Variants in PGGT1B observed in about 807,000 individuals in gnomAD.
PGGT1B encodes the protein geranylgeranyl transferase type-1 subunit beta.
Under a neutral mutation model 46.1 loss-of-function variants are expected in PGGT1B, and 30 were observed. The ratio of observed to expected loss-of-function variants is 0.65; its 90% CI spans 0.49 to 0.88. The LOEUF (loss-of-function observed/expected upper bound fraction) is 0.88. PGGT1B is among the 40% of genes least tolerant of loss of function. The probability of loss-of-function intolerance (pLI) is 0.00; values close to 1 mark genes in which losing one functional copy is unlikely to be tolerated. For missense variants in PGGT1B, 376 were observed against 455.9 expected (o/e 0.82, Z 1.60); for synonymous variants, 170 against 160.0 (o/e 1.06, Z -0.47).
In PGGT1B at chr5:115,235,267, ATAAG is replaced by A. The variant is rs373880226; in HGVS notation, c.612+1119_612+1122del. On this transcript the variant is annotated intron_variant, in intron 5 of 8. Transcript: ENST00000419445. ...GAAACTGAAGTCCATAGAGATATAA[ATAAG>A]TAAGTATAAGTAAATAAATAAATGC... is the stretch of plus-strand genomic sequence containing the variant. Among the ~76,000 whole-genome samples, 439 of 152,240 alleles carry A rather than the reference ATAAG, an allele frequency of 2.9e-3. 1 individual carries two copies. The highest frequency in any genetic ancestry group is 9.7e-3 in the African/African-American group (404 of 41,572).
Position 115,236,469 on chromosome 5 carries a change from G to A in PGGT1B, c.533C>T (p.Ala178Val). Reference sequence around the variant, plus strand: ...GTTGAGCATATAGCAAATACAGGAAGCACAGTACACAAATCGCATGTCATT... The same window carrying A: ...GTTGAGCATATAGCAAATACAGGAAACACAGTACACAAATCGCATGTCATT... ...SENDMRFVYC[A>V]SCICYMLNNW... The change falls in exon 5 of 9, where the codon GCT becomes GTT. Residue 178 changes from alanine (A) to valine (V), a missense_variant. Physicochemically the swap from Ala to Val is moderately conservative, Grantham distance 64. Around this residue, in one of 2 missense-constraint regions of PGGT1B, gnomAD observed 222 missense variants for 313.6 expected, o/e 0.71. Coordinates refer to ENST00000419445, the MANE Select transcript of PGGT1B (RefSeq NM_005023.4). The A allele has an allele frequency of 6.3e-7, 1 of 1,583,778 alleles. No individual in the cohort carries two copies. The highest frequency in any genetic ancestry group is 8.6e-7 in the Non-Finnish European group (1 of 1,167,402).
chr5:115,254,205 T>G (rs772357090), intron 1 of PGGT1B, among the ~76,000 whole-genome samples: 4 of 152,016 alleles, frequency 2.6e-5, no homozygotes, highest in Non-Finnish European at 5.9e-5. Flanking sequence ...CTCCTGTGCA[T>G]CTAGAGTACT....
rs1168827973 is a variant in PGGT1B at position 115,211,687 on chromosome 5, A to T, written c.*715T>A. On this transcript the variant is annotated 3_prime_UTR_variant, in exon 9 of 9. Coordinates refer to ENST00000419445, the MANE Select transcript of PGGT1B (RefSeq NM_005023.4). The stretch of plus-strand genomic sequence containing the variant: ...ATTCACCACAGCAATGTCTAGATAA[A>T]TGACCCACATAGCACAAAACTTTCT... 6.6e-6 allele frequency: 1 copy of T among 151,746 alleles called. No homozygotes were observed. The highest frequency in any genetic ancestry group is 2.4e-5 in the African/African-American group (1 of 41,354). 9.4% of individuals were successfully genotyped at this position (151,746 alleles called of 1,614,324 possible). A position where few individuals can be genotyped will look rare whatever the true frequency, so the allele number is the denominator to read the frequency against.
At chr5:115,255,943 G>A (rs537592582) in intron 1 of PGGT1B, among the ~76,000 whole-genome samples, 3 of 152,174 alleles carry the variant, frequency 2.0e-5, no homozygotes, top group Non-Finnish European at 4.4e-5. Flanking sequence ...AAAAACAAAC[G>A]ACCAAAACAC....
At chr5:115,218,019 T>C (rs879565788) in intron 7 of PGGT1B, among the ~76,000 whole-genome samples, 3 of 151,940 alleles carry the variant, frequency 2.0e-5, no homozygotes, top group Non-Finnish European at 4.4e-5. Flanking sequence ...ATTATTAATA[T>C]TGAACAAATA....
chr5:115,218,805 T>C (rs1239979853), intron 7 of PGGT1B, among the ~76,000 whole-genome samples: 6 of 151,956 alleles, frequency 3.9e-5, no homozygotes, highest in South Asian at 2.1e-4. Context: ...TACTATAGAC[T>C]AGCAATGAAC....
At chr5:115,230,169 A>G (rs967655621) in intron 6 of PGGT1B, among the ~76,000 whole-genome samples, 4 of 152,138 alleles carry the variant, frequency 2.6e-5, no homozygotes, top group African/African-American at 9.7e-5. Context: ...AAACCCTCCG[A>G]GAAATTACAT....
chr5:115,212,638 C>A, intron 8 of PGGT1B, 55 bp from the exon 9 acceptor site: 3 of 1,248,826 alleles, frequency 2.4e-6, no homozygotes, highest in Non-Finnish European at 3.4e-6. Context: ...GTACATTCTA[C>A]AGAATATTTT....
At chr5:115,234,108 A>C (rs1250821733) in intron 5 of PGGT1B, among the ~76,000 whole-genome samples, 2 of 151,904 alleles carry the variant, frequency 1.3e-5, no homozygotes, top group Non-Finnish European at 2.9e-5. Flanking sequence ...AGGAAACTAT[A>C]AGAAAAAGAG....
intron 1 of PGGT1B, among the ~76,000 whole-genome samples, chr5:115,255,892 T>C (rs1369163365): frequency 6.6e-6 from 1 of 152,172 alleles, no homozygotes; most frequent in Non-Finnish European, 1.5e-5. Context: ...GGGGTGCTTC[T>C]CATTAGAATC....
chr5:115,238,155 T>C, intron 3 of PGGT1B, 146 bp from the exon 4 acceptor site: 1 of 493,454 alleles, frequency 2.0e-6, no homozygotes, highest in Non-Finnish European at 3.5e-6. Flanking sequence ...GAAAAACAAA[T>C]CTCCATTTTA....
chr5:115,211,598 C>CAAAA lies in PGGT1B; in HGVS notation c.*800_*803dup, dbSNP rs34207751. 5.2e-4 allele frequency: 38 copies of CAAAA among 72,842 alleles called. No individual in the cohort carries two copies. Among genetic ancestry groups the CAAAA allele is most frequent in the Middle Eastern group, 0.014 (1 of 74 alleles). The allele number at this position is 72,842 out of a possible 1,614,324, so 4.5% of individuals were successfully genotyped here. On this transcript the variant is annotated 3_prime_UTR_variant, in exon 9 of 9. Coordinates refer to ENST00000419445, the MANE Select transcript of PGGT1B (RefSeq NM_005023.4). ...AAAAGATTGTTTTCTTCCTAGAAAG[C>CAAAA]AAAAAAAAAAAAAAAAAAAAAAAGG...
In PGGT1B at chr5:115,262,845, C is replaced by T. The variant is rs146104908; in HGVS notation, c.7G>A (p.Ala3Thr). The part of the protein sequence containing the change: MA[A>T]TEDERLAGSG... Reference sequence around the variant, plus strand: ...CCTGCTAGCCTCTCATCCTCAGTGGCCGCCATGCTGCTCCGGAAGCGACGT... The same window carrying T: ...CCTGCTAGCCTCTCATCCTCAGTGGTCGCCATGCTGCTCCGGAAGCGACGT... The change falls in exon 1 of 9, where the codon GCC (alanine) becomes ACC (threonine). Residue 3 changes from alanine to threonine, a missense_variant. Physicochemically the swap from Ala to Thr is moderately conservative, Grantham distance 58. Transcript: ENST00000419445. 2 of 1,612,090 alleles carry T rather than the reference C, an allele frequency of 1.2e-6. No homozygotes were observed. The highest frequency in any genetic ancestry group is 1.7e-5 in the Admixed American group (1 of 60,016).
At chr5:115,259,685 CAAAAAAAAAA>C (rs917531364) in intron 1 of PGGT1B, among the ~76,000 whole-genome samples, 210 of 29,470 alleles carry the variant, frequency 7.1e-3, no homozygotes, top group Non-Finnish European at 0.012. Flanking sequence ...GAGACTGTCT[CAAAAAAAAAA>C]AAAAAAAAAA....
At chr5:115,235,193 A>T (rs758791498) in intron 5 of PGGT1B, among the ~76,000 whole-genome samples, 61 of 152,106 alleles carry the variant, frequency 4.0e-4, no homozygotes, top group Non-Finnish European at 7.8e-4. Flanking sequence ...GGACAATCTG[A>T]GCATCAAAAT....
chr5:115,260,489 C>T (rs770694084), intron 1 of PGGT1B, among the ~76,000 whole-genome samples: 7 of 151,942 alleles, frequency 4.6e-5, no homozygotes, highest in African/African-American at 1.2e-4. Flanking sequence ...ACTTTGTGAC[C>T]GGTCACCTTT....
chr5:115,237,733 G>A (rs886352714), intron 4 of PGGT1B, 125 bp downstream of exon 4: 8 of 684,610 alleles, frequency 1.2e-5, no homozygotes, highest in African/African-American at 5.6e-5. Flanking sequence ...TATGTACCTC[G>A]TAAGCTTTAG....
At position 115,206,120 on chromosome 5, in the gene PGGT1B, TA is replaced by T. The variant is rs1756054979; in HGVS notation, c.*6281del. The T allele has an allele frequency of 6.6e-6, 1 of 151,976 alleles. No individual in the cohort carries two copies. Among genetic ancestry groups the T allele is most frequent in the Admixed American group, 6.6e-5 (1 of 15,250 alleles). 9.4% of individuals were successfully genotyped at this position (151,976 alleles called of 1,614,324 possible). A position where few individuals can be genotyped will look rare whatever the true frequency, so the allele number is the denominator to read the frequency against. On this transcript the variant is annotated 3_prime_UTR_variant, in exon 9 of 9. Coordinates refer to ENST00000419445, the MANE Select transcript of PGGT1B (RefSeq NM_005023.4). Reference sequence around the variant, plus strand: ...TAGTACCTCAGATCTTTATGTATAGTATACATACATATATCTATTTGTATAA... The same window carrying T: ...TAGTACCTCAGATCTTTATGTATAGTTACATACATATATCTATTTGTATAA...
intron 5 of PGGT1B, among the ~76,000 whole-genome samples, chr5:115,235,277 A>G (rs1019446392): frequency 1.3e-5 from 2 of 152,088 alleles, no homozygotes; most frequent in Admixed American, 1.3e-4. Flanking sequence ...ATAAGTAAGT[A>G]TAAGTAAATA....
Sources: gnomAD v4.1 joint callset for allele counts (sites outside exome capture counted in the v4.1 genomes callset) on GRCh38, gnomAD v4.1.1 for gene constraint, gnomAD v4.1.1 regional missense constraint, MANE v1.5 for transcripts, NCBI Gene and HGNC (gene_info 2026-07-23, HGNC 2026-07-21) for gene names.